The following FAF1 variants were observed in gnomAD, a reference collection of about 807,000 sequenced individuals.
FAF1 encodes FAS-associated factor 1.
In FAF1, 25 loss-of-function variants were observed where a neutral mutation model predicts 92.5. The ratio of observed to expected loss-of-function variants is 0.27; its 90% CI spans 0.20 to 0.38. The LOEUF (loss-of-function observed/expected upper bound fraction) is 0.38. Among genes scored for constraint, FAF1 ranks in the 10% least tolerant of loss-of-function variants. The probability of loss-of-function intolerance (pLI) is 1.00; values close to 1 mark genes in which losing one functional copy is unlikely to be tolerated. For missense variants in FAF1, 636 were observed against 793.3 expected (o/e 0.80, Z 2.38); for synonymous variants, 234 against 273.2 (o/e 0.86, Z 1.42).
chr1:50,646,242 C>T (rs1181180806), intron 8 of FAF1, among the ~76,000 whole-genome samples: 2 of 152,168 alleles, frequency 1.3e-5, no homozygotes, highest in Admixed American at 6.5e-5. Context: ...CTGCCTCCCA[C>T]CCATACATAT....
rs146520575 is a variant in FAF1 at position 50,593,917 on chromosome 1, T to G, written c.840+2204A>C. On this transcript the variant is annotated intron_variant, in intron 9 of 18. Transcript: ENST00000396153. ...GTCCAAAATATATAGGCAGTTTAAA[T>G]AAAAATGAGCAACCACATTTTGTAT... Among the ~76,000 whole-genome samples, 77 of 152,234 alleles carry G rather than the reference T, an allele frequency of 5.1e-4. No individual in the cohort carries two copies. In the East Asian group the frequency reaches 8.1e-3, roughly 16 times the overall value.
chr1:50,622,348 T>C (rs141558135), intron 8 of FAF1, among the ~76,000 whole-genome samples: 2 of 152,218 alleles, frequency 1.3e-5, no homozygotes, highest in African/African-American at 4.8e-5. Context: ...AGCATTCAGA[T>C]ACTCCACACA....
intron 1 of FAF1, among the ~76,000 whole-genome samples, chr1:50,882,600 T>TTAAATAAA (rs60244087): frequency 0.012 from 1,722 of 140,526 alleles, 17 homozygotes; most frequent in Middle Eastern, 0.029. Flanking sequence ...AGACTCTGTC[T>TTAAATAAA]TAAATAAATA....
intron 15 of FAF1, among the ~76,000 whole-genome samples, chr1:50,499,480 G>A (rs1011372265): frequency 9.3e-5 from 14 of 150,350 alleles, no homozygotes; most frequent in African/African-American, 2.7e-4. Flanking sequence ...GTCTGATGCC[G>A]TCTCTGCATC....
At chr1:50,441,876 A>G (rs999641665) in intron 18 of FAF1, among the ~76,000 whole-genome samples, 1 of 151,606 alleles carries the variant, frequency 6.6e-6, no homozygotes, top group Non-Finnish European at 1.5e-5. Flanking sequence ...AATAGAGGGG[A>G]GGGACTCTTC....
chr1:50,603,076 T>G (rs1444467908), intron 8 of FAF1, among the ~76,000 whole-genome samples: 1 of 152,174 alleles, frequency 6.6e-6, no homozygotes, highest in Non-Finnish European at 1.5e-5. Context: ...AAATTAAAAC[T>G]CAGGCACTTT....
At position 50,808,490 on chromosome 1, in the gene FAF1, C is replaced by G. The variant is rs564235552; in HGVS notation, c.115-6813G>C. ...AGTTGGATAAGGAAGCAAGACCTAA[C>G]TGTATGCTGTCATCAAGAGACCCAT... On this transcript the variant is annotated intron_variant, in intron 2 of 18. Transcript: ENST00000396153. 2.0e-5 allele frequency among the ~76,000 whole-genome samples: 3 copies of G among 152,202 alleles called. No individual in the cohort carries two copies. The East Asian group carries it at 5.8e-4, about 29-fold the overall frequency.
At chr1:50,527,868 C>CCTCTCTCTCTCT (rs1332650562) in intron 15 of FAF1, among the ~76,000 whole-genome samples, 61 of 57,060 alleles carry the variant, frequency 1.1e-3, no homozygotes, top group African/African-American at 2.0e-3. Flanking sequence ...TCCCTCTCTC[C>CCTCTCTCTCTCT]CTCTCTCTCT....
intron 5 of FAF1, among the ~76,000 whole-genome samples, chr1:50,740,647 AAC>A (rs1437251095): frequency 2.0e-5 from 3 of 152,010 alleles, no homozygotes; most frequent in Admixed American, 2.0e-4. Context: ...TGCTGACTAT[AAC>A]CCACTCGATT....
chr1:50,569,601 T>C (rs1016409573), intron 12 of FAF1, among the ~76,000 whole-genome samples: 18 of 152,174 alleles, frequency 1.2e-4, no homozygotes, highest in African/African-American at 3.9e-4. Context: ...TCTCAGCAAC[T>C]ACATTTAATG....
intron 7 of FAF1, 128 bp downstream of exon 7, chr1:50,705,658 T>C: frequency 1.8e-6 from 1 of 542,792 alleles, no homozygotes; most frequent in East Asian, 2.8e-5. Flanking sequence ...TCCAGTTAAT[T>C]AAAATTTAAG....
chr1:50,581,243 A>G (rs12133469), intron 12 of FAF1, among the ~76,000 whole-genome samples: 2,791 of 152,280 alleles, frequency 0.018, 29 homozygotes, highest in Non-Finnish European at 0.029. Context: ...GAAGTTTCTT[A>G]CTCTAAATTC....
At chr1:50,720,020 GAGA>G (rs1658343478) in intron 6 of FAF1, among the ~76,000 whole-genome samples, 11 of 143,202 alleles carry the variant, frequency 7.7e-5, no homozygotes, top group Middle Eastern at 7.1e-3. Context: ...TTTTTTCTTT[GAGA>G]AGGAGTCTTG....
rs1644388199 is a variant in FAF1 at position 50,856,000 on chromosome 1, C to G, written c.114+1929G>C. ...TTACCATTCAATTATTCAACATTAT[C>G]TGGGAAAATTCTCCTTTTACAATAT... On this transcript the variant is annotated intron_variant, in intron 2 of 18. Coordinates refer to ENST00000396153, the MANE Select transcript of FAF1 (RefSeq NM_007051.3). 2.0e-5 allele frequency among the ~76,000 whole-genome samples: 3 copies of G among 151,764 alleles called. No homozygotes were observed. In the South Asian group the frequency reaches 6.2e-4, roughly 31 times the overall value.
chr1:50,657,320 A>G lies in FAF1; in HGVS notation c.658-1792T>C, dbSNP rs544947719. ...AATGGAGAGATTATCCATTTTAATT[A>G]ATTCTTCAAGTTAATTATGGCATTA... On this transcript the variant is annotated intron_variant, in intron 7 of 18. Transcript: ENST00000396153. Among the ~76,000 whole-genome samples the G allele has an allele frequency of 6.6e-3, 1,007 of 152,216 alleles. 4 individuals are homozygous for G. The highest frequency in any genetic ancestry group is 0.011 in the Non-Finnish European group (732 of 68,000).
At chr1:50,617,954 C>T (rs1653005063) in intron 8 of FAF1, among the ~76,000 whole-genome samples, 1 of 152,050 alleles carries the variant, frequency 6.6e-6, no homozygotes, top group South Asian at 2.1e-4. Flanking sequence ...TAGAGTTGTT[C>T]ATAGTACTAT....
chr1:50,549,671 A>G (rs1274841536), intron 13 of FAF1, among the ~76,000 whole-genome samples: 1 of 152,082 alleles, frequency 6.6e-6, no homozygotes, highest in East Asian at 1.9e-4. Flanking sequence ...GCTACTCGGG[A>G]GGCTGAGACA....
At chr1:50,706,950 TC>T (rs1657697978) in intron 6 of FAF1, among the ~76,000 whole-genome samples, 1 of 152,184 alleles carries the variant, frequency 6.6e-6, no homozygotes. Context: ...ACGCCTGTAA[TC>T]CCAGCACTTT....
intron 15 of FAF1, among the ~76,000 whole-genome samples, chr1:50,524,647 T>G (rs1413393170): frequency 6.6e-6 from 1 of 152,216 alleles, no homozygotes; most frequent in African/African-American, 2.4e-5. Flanking sequence ...AGGGAGTCCT[T>G]AACCCATTGC....
Sources: gnomAD v4.1 joint callset for allele counts (sites outside exome capture counted in the v4.1 genomes callset) on GRCh38, gnomAD v4.1.1 for gene constraint, MANE v1.5 for transcripts, NCBI Gene and HGNC (gene_info 2026-07-23, HGNC 2026-07-21) for gene names.